WBP1L: variants seen among roughly 807,000 people sequenced by gnomAD.
The protein encoded by WBP1L is WW domain binding protein 1 like.
A neutral mutation model predicts 33.7 loss-of-function variants in WBP1L; 17 were observed. That is an observed-to-expected ratio of 0.50 (90% CI 0.34 to 0.76). The LOEUF (loss-of-function observed/expected upper bound fraction) is 0.76. Ranked by LOEUF, WBP1L falls within the 30% of genes least tolerant of loss-of-function variation. The pLI is 0.01. For missense variants in WBP1L, 389 were observed against 469.4 expected (o/e 0.83, Z 1.58); for synonymous variants, 173 against 190.8 (o/e 0.91, Z 0.77).
chr10:102,746,044 G>A (rs1047211019), intron 1 of WBP1L: 11 of 611,792 alleles, frequency 1.8e-5, no homozygotes, highest in African/African-American at 1.6e-4. Flanking sequence ...AAATAACATC[G>A]GTAGAGGTTT....
At chr10:102,806,248 A>G (rs1353026162) in intron 2 of WBP1L, among the ~76,000 whole-genome samples, 1 of 145,256 alleles carries the variant, frequency 6.9e-6, no homozygotes, top group Non-Finnish European at 1.5e-5. Context: ...AAAAAAAAAA[A>G]GTTATAAAGT....
chr10:102,807,668 C>T (rs1843756144), intron 2 of WBP1L, among the ~76,000 whole-genome samples: 1 of 152,094 alleles, frequency 6.6e-6, no homozygotes, highest in African/African-American at 2.4e-5. Flanking sequence ...CCCCTGCGCC[C>T]AGCCATACGT....
chr10:102,779,220 C>T (rs775456521), intron 1 of WBP1L, among the ~76,000 whole-genome samples: 6 of 151,220 alleles, frequency 4.0e-5, no homozygotes, highest in East Asian at 2.0e-4. Context: ...CGCTTAAACC[C>T]GGGAGGGGAA....
chr10:102,747,868 G>T (rs1392786429), intron 1 of WBP1L, among the ~76,000 whole-genome samples: 2 of 151,262 alleles, frequency 1.3e-5, no homozygotes, highest in African/African-American at 4.8e-5. Context: ...ACAAAGTTTT[G>T]GTAGAAATGT....
At chr10:102,805,384 C>T (rs1207510329) in intron 2 of WBP1L, among the ~76,000 whole-genome samples, 1 of 151,190 alleles carries the variant, frequency 6.6e-6, no homozygotes, top group African/African-American at 2.4e-5. Context: ...AGGTAGAGAA[C>T]TATTGAAAAA....
intron 1 of WBP1L, among the ~76,000 whole-genome samples, chr10:102,786,743 C>T (rs1313578615): frequency 1.3e-5 from 2 of 152,222 alleles, no homozygotes; most frequent in Admixed American, 6.5e-5. Flanking sequence ...GGGTTGAAGT[C>T]AGTGGACCTC....
chr10:102,809,164 G>A (rs1843787947), intron 2 of WBP1L, among the ~76,000 whole-genome samples: 1 of 151,594 alleles, frequency 6.6e-6, no homozygotes, highest in Non-Finnish European at 1.5e-5. Flanking sequence ...TGCAGCCTCC[G>A]CCTCCTGGGT....
chr10:102,765,652 C>G (rs1194100322), intron 1 of WBP1L, among the ~76,000 whole-genome samples: 3 of 152,186 alleles, frequency 2.0e-5, no homozygotes, highest in Non-Finnish European at 4.4e-5. Context: ...GTGAACGTTT[C>G]ACATCTTACC....
intron 1 of WBP1L, among the ~76,000 whole-genome samples, chr10:102,784,421 C>CTTTTTTTTTTTTTTTTTTTTT (rs35898015): frequency 1.0e-5 from 1 of 97,846 alleles, no homozygotes; most frequent in Non-Finnish European, 2.1e-5. Flanking sequence ...GTTCTTGTTT[C>CTTTTTTTTTTTTTTTTTTTTT]TTTTTTTTTT....
chr10:102,746,773 G>A (rs1842868168), intron 1 of WBP1L, among the ~76,000 whole-genome samples: 1 of 152,072 alleles, frequency 6.6e-6, no homozygotes, highest in Non-Finnish European at 1.5e-5. Flanking sequence ...ATTCTGTATC[G>A]AATAATGGTA....
In WBP1L at chr10:102,816,100, C is replaced by G. The variant is rs1372297073; in HGVS notation, c.*2769C>G. 1.3e-5 allele frequency: 2 copies of G among 152,604 alleles called. No homozygotes were observed. Among genetic ancestry groups the G allele is most frequent in the Non-Finnish European group, 2.9e-5 (2 of 68,042 alleles). The allele number at this position is 152,604 out of a possible 1,614,324, so 9.5% of individuals were successfully genotyped here. ...ACACATTCCTGTGTGAGGCACGTTA[C>G]CCTTTGTCAGTTATTGTGAATATGT... On this transcript the variant is annotated 3_prime_UTR_variant, in exon 4 of 4. Coordinates refer to ENST00000448841, the MANE Select transcript of WBP1L (RefSeq NM_001083913.2).
At chr10:102,783,217 C>T (rs2253703) in intron 1 of WBP1L, among the ~76,000 whole-genome samples, 79,992 of 151,980 alleles carry the variant, frequency 0.53, 22,283 homozygotes, top group Non-Finnish European at 0.62. Context: ...GGGCCAGGCT[C>T]GGCTTGTGCT....
chr10:102,758,268 T>A (rs1564754451), intron 1 of WBP1L, among the ~76,000 whole-genome samples: 1 of 151,956 alleles, frequency 6.6e-6, no homozygotes, highest in East Asian at 1.9e-4. Flanking sequence ...AATTAAGTGG[T>A]TTTTAATATA....
intron 1 of WBP1L, among the ~76,000 whole-genome samples, chr10:102,796,357 G>A (rs1387202874): frequency 2.0e-5 from 3 of 152,162 alleles, no homozygotes; most frequent in Non-Finnish European, 2.9e-5. Context: ...TGGTGGAAAC[G>A]TGCACTAAGC....
At chr10:102,784,487 A>G (rs1843383857) in intron 1 of WBP1L, among the ~76,000 whole-genome samples, 4 of 138,038 alleles carry the variant, frequency 2.9e-5, no homozygotes, top group South Asian at 2.3e-4. Context: ...GTGCAGTGGC[A>G]CAATCTTGGC....
chr10:102,769,761 C>T (rs1228330264), intron 1 of WBP1L, among the ~76,000 whole-genome samples: 1 of 152,178 alleles, frequency 6.6e-6, no homozygotes, highest in East Asian at 1.9e-4. Flanking sequence ...TGAGATGTCA[C>T]CATCTGTTGG....
chr10:102,746,277 T>C (rs1266406169), intron 1 of WBP1L: 1 of 513,506 alleles, frequency 1.9e-6, no homozygotes, highest in East Asian at 1.5e-4. Context: ...ATACTTAATT[T>C]TGGGGACAGG....
At position 102,810,171 on chromosome 10, in the gene WBP1L, G is replaced by C. The variant is rs1051035785; in HGVS notation, c.355+117G>C. On this transcript the variant is annotated intron_variant, in intron 3 of 3. Coordinates refer to ENST00000448841, the MANE Select transcript of WBP1L (RefSeq NM_001083913.2). ...GGCATAGGGGGTTTGTCCTCTCCCTGCCCCTCCGTAGAGCAAGGTCTTGAA... is the reference window on the plus strand; with the variant it reads ...GGCATAGGGGGTTTGTCCTCTCCCTCCCCCTCCGTAGAGCAAGGTCTTGAA... The C allele has an allele frequency of 8.9e-6, 12 of 1,349,350 alleles. No individual in the cohort carries two copies. The African/African-American group carries it at 1.3e-4, about 15-fold the overall frequency. The allele number at this position is 1,349,350 out of a possible 1,614,324, so 83.6% of individuals were successfully genotyped here.
At chr10:102,754,723 G>A (rs1018876264) in intron 1 of WBP1L, among the ~76,000 whole-genome samples, 1 of 151,644 alleles carries the variant, frequency 6.6e-6, no homozygotes, top group Admixed American at 6.6e-5. Context: ...TTGTTTTTTA[G>A]CGTCAGGGTC....
Sources: gnomAD v4.1 joint callset for allele counts (sites outside exome capture counted in the v4.1 genomes callset) on GRCh38, gnomAD v4.1.1 for gene constraint, MANE v1.5 for transcripts, NCBI Gene and HGNC (gene_info 2026-07-23, HGNC 2026-07-21) for gene names.